The following PPFIBP2 variants were observed in gnomAD, a reference collection of about 807,000 sequenced individuals.
PPFIBP2 encodes PPFIB scaffold protein 2.
Under a neutral mutation model 118.3 loss-of-function variants are expected in PPFIBP2, and 118 were observed. The ratio of observed to expected loss-of-function variants is 1.00; its 90% CI spans 0.86 to 1.16. PPFIBP2 has a LOEUF of 1.16. PPFIBP2 is among the 50% of genes most tolerant of loss of function. The pLI is 0.00. For missense variants in PPFIBP2, 1,195 were observed against 1,073.1 expected, an observed-to-expected ratio of 1.11 and a Z score of -1.59; for synonymous variants, 414 against 397.4, an observed-to-expected ratio of 1.04 and a Z score of -0.50.
At chr11:7,574,930 A>G (rs1856098393) in intron 3 of PPFIBP2, among the ~76,000 whole-genome samples, 1 of 152,200 alleles carries the variant, frequency 6.6e-6, no homozygotes, top group South Asian at 2.1e-4. Context: ...TGCCATAAAA[A>G]TGTCAAGAAT....
intron 5 of PPFIBP2, among the ~76,000 whole-genome samples, chr11:7,601,549 GTCTACATAGACA>G (rs1846627580): frequency 1.3e-5 from 2 of 152,158 alleles, no homozygotes; most frequent in African/African-American, 4.8e-5. Flanking sequence ...CCTTGTAGCT[GTCTACATAGACA>G]GCTACAAGCA....
At chr11:7,570,681 AG>A (rs1160575474) in intron 3 of PPFIBP2, among the ~76,000 whole-genome samples, 1 of 152,134 alleles carries the variant, frequency 6.6e-6, no homozygotes, top group Non-Finnish European at 1.5e-5. Flanking sequence ...TTTCTTTGCA[AG>A]GTCTCAAGAG....
intron 3 of PPFIBP2, among the ~76,000 whole-genome samples, chr11:7,584,472 T>C (rs1857766056): frequency 6.6e-6 from 1 of 152,164 alleles, no homozygotes; most frequent in South Asian, 2.1e-4. Flanking sequence ...CACATTGCAT[T>C]TGGAAGAAAT....
At chr11:7,628,126 G>T (rs1444190346) in intron 8 of PPFIBP2, among the ~76,000 whole-genome samples, 159 bp from the exon 9 acceptor site, 1 of 152,180 alleles carries the variant, frequency 6.6e-6, no homozygotes, top group Non-Finnish European at 1.5e-5. Flanking sequence ...TATTTAAGGA[G>T]GCCGATTCTG....
chr11:7,610,275 C>G lies in PPFIBP2; in HGVS notation c.487-16C>G. ...CCATAGTGGTTTCTGATTTCGAGAT[C>G]TGTTTTTGCTTGCAGGAGCTGCTAA... On this transcript the variant is annotated splice_polypyrimidine_tract_variant and intron_variant, in intron 5 of 23. Coordinates refer to ENST00000299492, the MANE Select transcript of PPFIBP2 (RefSeq NM_003621.5). 1 of 1,612,154 alleles carries G rather than the reference C, an allele frequency of 6.2e-7. No individual in the cohort carries two copies. The highest frequency in any genetic ancestry group is 1.3e-5 in the African/African-American group (1 of 75,032).
rs1304004177 is a variant in PPFIBP2, at chr11:7,649,221, C to T, written c.1984C>T (p.Gln662Ter). ...ATCTAGAGTTGACAGACGAATGCTGCAATACCTAACTGTGGTGAGGACTTT... is the reference window on the plus strand; with the variant it reads ...ATCTAGAGTTGACAGACGAATGCTGTAATACCTAACTGTGGTGAGGACTTT... ...HESRVDRRML[Q>*]YLTVNDLLFL... The change falls in exon 20 of 24, where the codon CAA becomes TAA. Residue 662 changes from glutamine (Q) to a stop codon, truncating the protein, a stop_gained. Coordinates refer to ENST00000299492, the MANE Select transcript of PPFIBP2 (RefSeq NM_003621.5). LOFTEE classifies it high-confidence loss of function. The T allele has an allele frequency of 1.2e-6, 2 of 1,613,224 alleles. No homozygotes were observed. The highest frequency in any genetic ancestry group is 1.7e-5 in the Admixed American group (1 of 60,000).
At chr11:7,630,867 A>G in intron 10 of PPFIBP2, 58 bp from the exon 11 acceptor site, 1 of 1,252,762 alleles carries the variant, frequency 8.0e-7, no homozygotes, top group Non-Finnish European at 1.2e-6. Flanking sequence ...TTGTGGTACG[A>G]TTATAGGTTT....
At chr11:7,564,689 G>A (rs537014176) in intron 2 of PPFIBP2, among the ~76,000 whole-genome samples, 2 of 152,328 alleles carry the variant, frequency 1.3e-5, no homozygotes, top group East Asian at 1.9e-4. Flanking sequence ...GTGGCTCATG[G>A]GGGCTTGGAA....
At chr11:7,590,773 C>T (rs979667929) in intron 3 of PPFIBP2, among the ~76,000 whole-genome samples, 28 of 152,226 alleles carry the variant, frequency 1.8e-4, no homozygotes, top group Non-Finnish European at 1.0e-4. Context: ...ATATTGTCCA[C>T]TAGCCTCTGA....
At chr11:7,560,836 C>A (rs529762762) in intron 2 of PPFIBP2, among the ~76,000 whole-genome samples, 1 of 152,184 alleles carries the variant, frequency 6.6e-6, no homozygotes, top group Non-Finnish European at 1.5e-5. Context: ...CAACAATTTA[C>A]GTAGGTGAAA....
At chr11:7,660,201 G>A (rs1466220736), downstream of PPFIBP2, among the ~76,000 whole-genome samples, 2 of 127,988 alleles carry the variant, frequency 1.6e-5, no homozygotes, top group African/African-American at 5.1e-5. Flanking sequence ...TAGGAGTGGT[G>A]AGAGAGGGCA....
At chr11:7,662,507 T>G in the PPFIBP2 span, among the ~76,000 whole-genome samples, 1 of 151,728 alleles carries the variant, frequency 6.6e-6, no homozygotes, top group East Asian at 1.9e-4. Context: ...GGGTTTCTGC[T>G]GAGAGATCCG....
intron 14 of PPFIBP2, among the ~76,000 whole-genome samples, chr11:7,639,425 C>G (rs1851844191): frequency 6.6e-6 from 1 of 152,308 alleles, no homozygotes; most frequent in African/African-American, 2.4e-5. Context: ...AGTCTCTGAG[C>G]ACTAGGCCAG....
intron 1 of PPFIBP2, among the ~76,000 whole-genome samples, chr11:7,546,679 C>T (rs1248962923): frequency 1.3e-5 from 2 of 152,246 alleles, no homozygotes; most frequent in African/African-American, 4.8e-5. Context: ...CAGCTGGGTG[C>T]TCCTGCGTAA....
intron 3 of PPFIBP2, among the ~76,000 whole-genome samples, chr11:7,579,424 G>A (rs966585496): frequency 1.3e-5 from 2 of 152,126 alleles, no homozygotes; most frequent in African/African-American, 4.8e-5. Flanking sequence ...TTTTGGCAAA[G>A]GTTTGCATCA....
downstream of PPFIBP2, among the ~76,000 whole-genome samples, chr11:7,660,660 A>G (rs1854871188): frequency 6.6e-6 from 1 of 151,538 alleles, no homozygotes; most frequent in Non-Finnish European, 1.5e-5. Context: ...TGCTGGCCTC[A>G]TAAAATGAGT....
At chr11:7,520,685 A>G (rs1849677722) in intron 1 of PPFIBP2, among the ~76,000 whole-genome samples, 1 of 152,184 alleles carries the variant, frequency 6.6e-6, no homozygotes, top group Non-Finnish European at 1.5e-5. Context: ...TTCAGTCCCC[A>G]TTTGGTGTGG....
intron 3 of PPFIBP2, among the ~76,000 whole-genome samples, chr11:7,588,984 C>G (rs1858721458): frequency 6.6e-6 from 1 of 152,194 alleles, no homozygotes; most frequent in Non-Finnish European, 1.5e-5. Flanking sequence ...TTTTAGGTAA[C>G]TAACCTGAAT....
At chr11:7,552,962 T>C (rs984163523) in intron 2 of PPFIBP2, among the ~76,000 whole-genome samples, 1 of 152,220 alleles carries the variant, frequency 6.6e-6, no homozygotes, top group Non-Finnish European at 1.5e-5. Context: ...TGCACCAGCA[T>C]GTAAGTTTCT....
Sources: gnomAD v4.1 joint callset for allele counts (sites outside exome capture counted in the v4.1 genomes callset) on GRCh38, gnomAD v4.1.1 for gene constraint, MANE v1.5 for transcripts, NCBI Gene and HGNC (gene_info 2026-07-23, HGNC 2026-07-21) for gene names.